Variants in DDHD1 observed in about 807,000 individuals in gnomAD.
DDHD1 encodes DDHD domain containing 1.
Under a neutral mutation model 96.4 loss-of-function variants are expected in DDHD1, and 49 were observed. That is an observed-to-expected ratio of 0.51 (90% confidence interval 0.40 to 0.64). The LOEUF (loss-of-function observed/expected upper bound fraction) is 0.64, where lower values mean the gene tolerates loss of function less well. DDHD1 is among the 30% of genes least tolerant of loss of function. The pLI is 0.00. For synonymous variants in DDHD1, 442 were observed against 446.5 expected (o/e 0.99, Z 0.13); for missense variants, 1,106 against 1,161.2 (o/e 0.95, Z 0.69).
At chr14:53,105,842 C>T (rs1039652256) in intron 1 of DDHD1, among the ~76,000 whole-genome samples, 11 of 151,844 alleles carry the variant, frequency 7.2e-5, no homozygotes, top group Non-Finnish European at 1.0e-4. Flanking sequence ...GTTATTCATA[C>T]GTATTCTTTT....
At chr14:53,057,536 C>T (rs1202769309) in intron 9 of DDHD1, among the ~76,000 whole-genome samples, 4 of 152,078 alleles carry the variant, frequency 2.6e-5, no homozygotes, top group Non-Finnish European at 4.4e-5. Context: ...AGAGAGTCTA[C>T]AAAATACATT....
intron 2 of DDHD1, chr14:53,096,023 A>T (rs1052912853): frequency 1.5e-5 from 9 of 599,640 alleles, no homozygotes; most frequent in Admixed American, 6.3e-5. Flanking sequence ...GGACACATTT[A>T]AAAAAAACTA....
At position 53,041,770 on chromosome 14, in the gene DDHD1, T is replaced by A. The variant is rs1370802022; in HGVS notation, c.*4998A>T. On this transcript the variant is annotated 3_prime_UTR_variant, in exon 13 of 13. Transcript: ENST00000673822. ...GTCCAGACCTGATAGGGTACTCTTA[T>A]GAGAGTCTGGAAGAAAGAAGGGACC... is the stretch of plus-strand genomic sequence containing the variant. 1 of 152,124 alleles carries A rather than the reference T, an allele frequency of 6.6e-6. No individual in the cohort carries two copies. The highest frequency in any genetic ancestry group is 1.5e-5 in the Non-Finnish European group (1 of 68,026). 9.4% of individuals were successfully genotyped at this position (152,124 alleles called of 1,614,324 possible). A position where few individuals can be genotyped will look rare whatever the true frequency, so the allele number is the denominator to read the frequency against.
chr14:53,116,838 T>C (rs376527500), intron 1 of DDHD1, among the ~76,000 whole-genome samples: 19 of 151,908 alleles, frequency 1.3e-4, no homozygotes, highest in African/African-American at 4.3e-4. Flanking sequence ...GCAAACAAAT[T>C]CAAAAGCTGG....
chr14:53,081,556 G>C (rs1157574035), intron 4 of DDHD1, among the ~76,000 whole-genome samples: 3 of 152,142 alleles, frequency 2.0e-5, no homozygotes, highest in Admixed American at 6.5e-5. Context: ...ACAACTAAGG[G>C]TTTTATTTGC....
At chr14:53,143,038 G>A (rs1275265580) in intron 1 of DDHD1, among the ~76,000 whole-genome samples, 1 of 152,206 alleles carries the variant, frequency 6.6e-6, no homozygotes, top group East Asian at 1.9e-4. Flanking sequence ...TTCATCATGG[G>A]ATATTTTTAA....
At chr14:53,125,724 T>G (rs1889373879) in intron 1 of DDHD1, among the ~76,000 whole-genome samples, 1 of 149,706 alleles carries the variant, frequency 6.7e-6, no homozygotes, top group South Asian at 2.1e-4. Context: ...TTTTTTGAGA[T>G]GGAATCTCGC....
At chr14:53,122,084 T>C (rs944245840) in intron 1 of DDHD1, among the ~76,000 whole-genome samples, 1 of 152,164 alleles carries the variant, frequency 6.6e-6, no homozygotes, top group Non-Finnish European at 1.5e-5. Context: ...TAGATGACAC[T>C]TGAAGGATGC....
At chr14:53,068,909 C>T (rs926692268) in intron 6 of DDHD1, among the ~76,000 whole-genome samples, 2 of 152,206 alleles carry the variant, frequency 1.3e-5, no homozygotes, top group Non-Finnish European at 2.9e-5. Flanking sequence ...ACCATGATAG[C>T]TGCAAAATGG....
chr14:53,103,978 T>C (rs951680265), intron 1 of DDHD1, 122 bp from the exon 2 acceptor site: 3 of 742,038 alleles, frequency 4.0e-6, no homozygotes, highest in Admixed American at 6.9e-5. Flanking sequence ...CATGACCCAA[T>C]ACAATCATCT....
chr14:53,119,351 C>G (rs765189854), intron 1 of DDHD1, among the ~76,000 whole-genome samples: 11 of 152,096 alleles, frequency 7.2e-5, no homozygotes, highest in Non-Finnish European at 1.5e-4. Context: ...CTGCCCCAAT[C>G]AAAAGACACA....
Position 53,153,271 on chromosome 14 carries a change from C to G in DDHD1, c.-173G>C, listed in dbSNP as rs1321396275. 8.4e-6 allele frequency: 4 copies of G among 477,130 alleles called. No homozygotes were observed. Among genetic ancestry groups the G allele is most frequent in the South Asian group, 6.4e-5 (1 of 15,742 alleles). The allele number at this position is 477,130 out of a possible 1,614,324, so 29.6% of individuals were successfully genotyped here. A position where few individuals can be genotyped will look rare whatever the true frequency, so the allele number is the denominator to read the frequency against. ...CCGCCCCCACGAGACCCGCAGCCGC[C>G]GCAGCTGCGTTCTGCCGCCGGCCCC... On this transcript the variant is annotated 5_prime_UTR_variant, in exon 1 of 13. Transcript: ENST00000673822.
chr14:53,076,513 G>A (rs977094159), intron 4 of DDHD1, among the ~76,000 whole-genome samples: 1 of 152,128 alleles, frequency 6.6e-6, no homozygotes, highest in Admixed American at 6.6e-5. Context: ...TTGTTGAAAT[G>A]GCAACAAAGA....
rs778760209 is a variant in DDHD1 at position 53,042,086 on chromosome 14, T to A, written c.*4682A>T. The A allele has an allele frequency of 2.0e-5, 3 of 152,142 alleles. No individual in the cohort carries two copies. The highest frequency in any genetic ancestry group is 4.4e-5 in the Non-Finnish European group (3 of 68,014). 9.4% of individuals were successfully genotyped at this position (152,142 alleles called of 1,614,324 possible). A position where few individuals can be genotyped will look rare whatever the true frequency, so the allele number is the denominator to read the frequency against. On this transcript the variant is annotated 3_prime_UTR_variant, in exon 13 of 13. Transcript: ENST00000673822. ...TCACTTACAAAATGAAGGAATCACA[T>A]GAGGAGGTGAAACTGTAAAACGAAG...
rs562204310 is a variant in DDHD1 at position 53,086,410 on chromosome 14, A to G, written c.1289+5375T>C. 3.0e-4 allele frequency among the ~76,000 whole-genome samples: 45 copies of G among 152,316 alleles called. No individual in the cohort carries two copies. In the East Asian group the frequency reaches 6.0e-3, roughly 20 times the overall value. ...TTAAGGGCAGCCAGAGAGAAAGGTC[A>G]GGTTACCCACAAAGGGAAGCCCATC... On this transcript the variant is annotated intron_variant, in intron 4 of 12. Transcript: ENST00000673822.
chr14:53,055,880 G>C lies in DDHD1; in HGVS notation c.2025C>G (p.His675Gln). 6.2e-7 allele frequency: 1 copy of C among 1,613,172 alleles called. No individual in the cohort carries two copies. Among genetic ancestry groups the C allele is most frequent in the East Asian group, 2.2e-5 (1 of 44,856 alleles). ...AYRLEPLILK[H>Q]YSNISPVQIH... ...TCTGGACAGGTGAAATGTTGCTGTA[G>C]TGTTTCAGTATTAATGGTTCTAATC... The change falls in exon 10 of 13, where the codon CAC (histidine) becomes CAG (glutamine). Residue 675 changes from histidine to glutamine, a missense_variant. Coordinates refer to ENST00000673822, the MANE Select transcript of DDHD1 (RefSeq NM_001160148.2).
intron 1 of DDHD1, among the ~76,000 whole-genome samples, chr14:53,111,385 ATTT>A (rs112771199): frequency 6.8e-6 from 1 of 147,810 alleles, no homozygotes; most frequent in African/African-American, 2.5e-5. Flanking sequence ...CCCATAAATC[ATTT>A]TTTTTTTTTA....
At chr14:53,073,993 AAAC>A in intron 4 of DDHD1, 146 bp from the exon 5 acceptor site, 1 of 630,502 alleles carries the variant, frequency 1.6e-6, no homozygotes, top group Non-Finnish European at 2.6e-6. Context: ...CTACCACACT[AAAC>A]AAGTCTGCAA....
At chr14:53,097,251 G>GT (rs1402511318) in intron 2 of DDHD1, among the ~76,000 whole-genome samples, 2 of 151,944 alleles carry the variant, frequency 1.3e-5, no homozygotes, top group Non-Finnish European at 2.9e-5. Flanking sequence ...TACTAGAAAT[G>GT]TAACAAATCT....
Sources: gnomAD v4.1 joint callset for allele counts (sites outside exome capture counted in the v4.1 genomes callset) on GRCh38, gnomAD v4.1.1 for gene constraint, MANE v1.5 for transcripts, NCBI Gene and HGNC (gene_info 2026-07-23, HGNC 2026-07-21) for gene names.